ATAD1: variants seen among roughly 807,000 people sequenced by gnomAD.
The protein encoded by ATAD1 is outer mitochondrial transmembrane helix translocase.
ATAD1 carries 18 observed loss-of-function variants against 42.7 expected under a neutral mutation model. The ratio of observed to expected loss-of-function variants is 0.42; its 90% CI spans 0.29 to 0.63. The LOEUF is 0.63. Among genes scored for constraint, ATAD1 ranks in the 20% least tolerant of loss-of-function variants. ATAD1 has a pLI of 0.19. For missense variants in ATAD1, 294 were observed against 440.4 expected, an observed-to-expected ratio of 0.67 and a Z score of 2.98; for synonymous variants, 132 against 143.1, an observed-to-expected ratio of 0.92 and a Z score of 0.55.
intron 8 of ATAD1, among the ~76,000 whole-genome samples, chr10:87,759,599 A>G (rs1854387463): frequency 6.6e-6 from 1 of 152,214 alleles, no homozygotes; most frequent in Non-Finnish European, 1.5e-5. Context: ...TGTGCCTGAT[A>G]AGATGATACA....
intron 7 of ATAD1, among the ~76,000 whole-genome samples, chr10:87,767,985 G>A (rs866195074): frequency 3.1e-4 from 47 of 152,104 alleles, no homozygotes; most frequent in African/African-American, 1.1e-3. Flanking sequence ...AATCTTTAAT[G>A]AGTAAATGAA....
At chr10:87,783,441 AT>A (rs1330563441) in intron 5 of ATAD1, among the ~76,000 whole-genome samples, 1 of 152,112 alleles carries the variant, frequency 6.6e-6, no homozygotes, top group Non-Finnish European at 1.5e-5. Context: ...AAACACCAAA[AT>A]AACTGGAGTA....
intron 1 of ATAD1, among the ~76,000 whole-genome samples, chr10:87,815,349 C>A (rs1042160411): frequency 6.6e-6 from 1 of 151,978 alleles, no homozygotes; most frequent in Non-Finnish European, 1.5e-5. Context: ...CAAAGCTAGG[C>A]TTACAGAAGA....
intron 4 of ATAD1, among the ~76,000 whole-genome samples, chr10:87,786,738 C>G (rs966472247): frequency 2.0e-5 from 3 of 152,118 alleles, no homozygotes; most frequent in Non-Finnish European, 4.4e-5. Context: ...GGGCAGATCA[C>G]GAGGTGAGGA....
chr10:87,774,412 C>T (rs1564748186), intron 6 of ATAD1, among the ~76,000 whole-genome samples: 1 of 152,082 alleles, frequency 6.6e-6, no homozygotes, highest in Non-Finnish European at 1.5e-5. Context: ...CTTGTTGATG[C>T]CAGGGTTCTG....
intron 1 of ATAD1, among the ~76,000 whole-genome samples, chr10:87,839,006 A>G (rs1174962389): frequency 6.6e-6 from 1 of 152,152 alleles, no homozygotes; most frequent in East Asian, 1.9e-4. Flanking sequence ...CATTCTTCCC[A>G]ATTCAGTCAC....
chr10:87,758,034 A>G (rs145009346), intron 8 of ATAD1, among the ~76,000 whole-genome samples: 14 of 152,358 alleles, frequency 9.2e-5, no homozygotes, highest in African/African-American at 2.9e-4. Flanking sequence ...TGGTAAATAC[A>G]TGGATAAATC....
chr10:87,839,424 C>T (rs895719550), intron 1 of ATAD1, among the ~76,000 whole-genome samples: 5 of 152,090 alleles, frequency 3.3e-5, no homozygotes, highest in East Asian at 1.9e-4. Context: ...AAACGAGGAT[C>T]GTATTGAATA....
intron 6 of ATAD1, among the ~76,000 whole-genome samples, chr10:87,773,471 CT>C (rs2131827110): frequency 6.6e-6 from 1 of 152,264 alleles, no homozygotes; most frequent in African/African-American, 2.4e-5. Context: ...GAAGAGCTAA[CT>C]GGTTCATATG....
intron 1 of ATAD1, among the ~76,000 whole-genome samples, chr10:87,832,438 G>A (rs1014039242): frequency 1.3e-5 from 2 of 151,262 alleles, no homozygotes; most frequent in African/African-American, 4.9e-5. Flanking sequence ...GTTTGTGTGG[G>A]ACTGTTTCTG....
chr10:87,770,825 T>G (rs1854995211), intron 7 of ATAD1, 127 bp downstream of exon 7: 1 of 655,438 alleles, frequency 1.5e-6, no homozygotes, highest in African/African-American at 1.8e-5. Context: ...TGTCAGGGTT[T>G]CTGCCCCATT....
intron 3 of ATAD1, among the ~76,000 whole-genome samples, chr10:87,791,979 TA>T (rs1477411689): frequency 2.0e-5 from 3 of 152,260 alleles, no homozygotes; most frequent in Middle Eastern, 3.4e-3. Context: ...TTAAACTCTA[TA>T]AAACAAAAAT....
rs1854243992 is a variant in ATAD1 at position 87,756,856 on chromosome 10, T to C, written c.898A>G (p.Lys300Glu). 1 of 1,612,900 alleles carries C rather than the reference T, an allele frequency of 6.2e-7. No individual in the cohort carries two copies. The stretch of plus-strand genomic sequence containing the variant: ...AGGGCAGCATCTCGACACATCTCTT[T>C]TAGGTCACTTCCTGAAAACCCATCA... ...ETDGFSGSDL[K>E]EMCRDAALLC... The change falls in exon 9 of 10, where the codon AAA (lysine) becomes GAA (glutamate). Residue 300 changes from lysine (K) to glutamate (E), a missense_variant. Physicochemically the swap from Lys to Glu is moderately conservative, Grantham distance 56 (BLOSUM62 1). This residue lies in a region of ATAD1 where 142 missense variants were observed against 174.6 expected (regional missense o/e 0.81). Transcript: ENST00000680024.
intron 1 of ATAD1, among the ~76,000 whole-genome samples, chr10:87,824,636 G>A (rs756239548): frequency 1.3e-5 from 2 of 152,144 alleles, no homozygotes; most frequent in African/African-American, 2.4e-5. Context: ...TTCATTATAC[G>A]ATGAGGTGAT....
chr10:87,767,560 G>A, intron 8 of ATAD1, 113 bp downstream of exon 8: 1 of 988,330 alleles, frequency 1.0e-6, no homozygotes, highest in Non-Finnish European at 1.6e-6. Context: ...GGCTGCAGGG[G>A]CTGGAGATCC....
chr10:87,799,871 G>A (rs1218912761), intron 2 of ATAD1, among the ~76,000 whole-genome samples: 1 of 151,392 alleles, frequency 6.6e-6, no homozygotes, highest in Non-Finnish European at 1.5e-5. Context: ...ATAAAAGAAG[G>A]TAAAAGGAAC....
upstream of ATAD1, among the ~76,000 whole-genome samples, chr10:87,819,771 A>G (rs1312751574): frequency 1.3e-5 from 2 of 152,220 alleles, no homozygotes; most frequent in Non-Finnish European, 2.9e-5. Context: ...TCTCTTTGAG[A>G]TGGTAATTTA....
intron 2 of ATAD1, among the ~76,000 whole-genome samples, chr10:87,797,418 C>T (rs1253384210): frequency 1.3e-5 from 2 of 152,164 alleles, no homozygotes; most frequent in Non-Finnish European, 2.9e-5. Context: ...TTTTCTTCCA[C>T]CCTATACCTC....
At chr10:87,812,892 C>T (rs929858448) in intron 2 of ATAD1, among the ~76,000 whole-genome samples, 1 of 152,164 alleles carries the variant, frequency 6.6e-6, no homozygotes, top group African/African-American at 2.4e-5. Context: ...TCTTCAACTA[C>T]CACAATCACT....
Sources: gnomAD v4.1 joint callset for allele counts (sites outside exome capture counted in the v4.1 genomes callset) on GRCh38, gnomAD v4.1.1 for gene constraint, gnomAD v4.1.1 regional missense constraint, MANE v1.5 for transcripts, NCBI Gene and HGNC (gene_info 2026-07-23, HGNC 2026-07-21) for gene names.